GLIS2: variants seen among roughly 807,000 people sequenced by gnomAD.
GLIS2 encodes GLIS family zinc finger 2.
In GLIS2, 14 loss-of-function variants were observed where a neutral mutation model predicts 35.6. The observed-to-expected ratio is 0.39, with a 90% CI of 0.26 to 0.61. The LOEUF (loss-of-function observed/expected upper bound fraction) is 0.61, where lower values mean the gene tolerates loss of function less well. Ranked by LOEUF, GLIS2 falls within the 20% of genes least tolerant of loss-of-function variation. The pLI is 0.48. For missense variants in GLIS2, 675 were observed against 713.4 expected, an observed-to-expected ratio of 0.95 and a Z score of 0.61; for synonymous variants, 368 against 325.1, an observed-to-expected ratio of 1.13 and a Z score of -1.42.
chr16:4,327,966 A>T lies in GLIS2; in HGVS notation c.-66-4249A>T, dbSNP rs367864832. The stretch of plus-strand genomic sequence containing the variant: ...GCTGCCCTGGGCGCATCCCAGGCTG[A>T]GTGCTCGAGAGACGCGGCCCTGGGC... On this transcript the variant is annotated intron_variant, in intron 1 of 6. Coordinates refer to ENST00000433375, the MANE Select transcript of GLIS2 (RefSeq NM_032575.3). 7.3e-5 allele frequency among the ~76,000 whole-genome samples: 11 copies of T among 150,642 alleles called. No individual in the cohort carries two copies. The East Asian group carries it at 2.0e-3, about 27-fold the overall frequency.
chr16:4,337,240 G>A lies in GLIS2; in HGVS notation c.1291G>A (p.Val431Ile). 1 of 1,548,146 alleles carries A rather than the reference G, an allele frequency of 6.5e-7. No individual in the cohort carries two copies. The highest frequency in any genetic ancestry group is 1.4e-5 in the African/African-American group (1 of 73,130). ...FGAGGLGLPV[V>I]SLLAGAAGGK... ...GGCTGGCGGACTGGGCTTGCCTGTG[G>A]TCTCCCTCCTTGCTGGCGCAGCTGG... The change falls in exon 7 of 7, where the codon GTC becomes ATC. Residue 431 changes from valine (V) to isoleucine (I), a missense_variant. Around this residue, in one of 3 missense-constraint regions of GLIS2, gnomAD observed 317 missense variants for 283.2 expected, o/e 1.12. Transcript: ENST00000433375.
At chr16:4,326,736 C>T (rs1317042980) in intron 1 of GLIS2, among the ~76,000 whole-genome samples, 1 of 151,090 alleles carries the variant, frequency 6.6e-6, no homozygotes, top group Non-Finnish European at 1.5e-5. Flanking sequence ...ACCACAGGTC[C>T]CTGCTTCCAC....
chr16:4,324,723 G>A (rs1421931808), intron 1 of GLIS2: 1 of 152,280 alleles, frequency 6.6e-6, no homozygotes, highest in Non-Finnish European at 1.5e-5. Context: ...CGTTACGGAC[G>A]AAGGAGAAGC....
Position 4,334,518 on chromosome 16 carries a change from G to A in GLIS2, c.346-283G>A, listed in dbSNP as rs188075865. 2.8e-4 allele frequency among the ~76,000 whole-genome samples: 43 copies of A among 151,978 alleles called. No individual in the cohort carries two copies. The East Asian group carries it at 3.5e-3, about 12-fold the overall frequency. ...CTCCCAAAGTGCTGAGATTACAGGCGTGAGCCACCGCACCTGGCTATATAT... is the reference window on the plus strand; with the variant it reads ...CTCCCAAAGTGCTGAGATTACAGGCATGAGCCACCGCACCTGGCTATATAT... On this transcript the variant is annotated intron_variant, in intron 3 of 6. Transcript: ENST00000433375.
chr16:4,334,806 C>A lies in GLIS2; in HGVS notation c.351C>A (p.Phe117Leu). Residue 117 changes from phenylalanine to leucine, a missense_variant, in exon 4 of 7, where the codon TTC becomes TTA. Around this residue, in one of 3 missense-constraint regions of GLIS2, gnomAD observed 225 missense variants for 238.7 expected, o/e 0.94. Transcript: ENST00000433375. ...DLPPVPSASDFQPLRYLDGVP... is the reference protein window; with the variant it reads ...DLPPVPSASDLQPLRYLDGVP... ...GCCCTCCCCTCGCACCCCAGGACTT[C>A]CAGCCACTGCGCTATTTGGATGGTG... is the stretch of plus-strand genomic sequence containing the variant. The A allele has an allele frequency of 6.2e-7, 1 of 1,613,436 alleles. No homozygotes were observed. Among genetic ancestry groups the A allele is most frequent in the South Asian group, 1.1e-5 (1 of 91,082 alleles).
intron 1 of GLIS2, among the ~76,000 whole-genome samples, chr16:4,318,039 A>T (rs1245799689): frequency 6.6e-6 from 1 of 151,984 alleles, no homozygotes; most frequent in South Asian, 2.1e-4. Flanking sequence ...CTCTCTACAC[A>T]GGGACACCTG....
In GLIS2 at chr16:4,332,478, G is replaced by T. The variant is rs767072956; in HGVS notation, c.172+26G>T. Reference sequence around the variant, plus strand: ...GTACTGGCCCTGGGCAGGGCAGGGGGACTTAGCCCTGATCCAGTCATGGTG... The same window carrying T: ...GTACTGGCCCTGGGCAGGGCAGGGGTACTTAGCCCTGATCCAGTCATGGTG... On this transcript the variant is annotated intron_variant, in intron 2 of 6. Transcript: ENST00000433375. The surrounding 1 kb of genome is among the most constrained non-coding windows in gnomAD (Gnocchi z 5.4). The T allele has an allele frequency of 6.2e-7, 1 of 1,606,600 alleles. No individual in the cohort carries two copies. Among genetic ancestry groups the T allele is most frequent in the South Asian group, 1.1e-5 (1 of 90,684 alleles).
At chr16:4,315,618 A>C (rs1597328966), upstream of GLIS2, among the ~76,000 whole-genome samples, 3 of 135,622 alleles carry the variant, frequency 2.2e-5, no homozygotes, top group South Asian at 2.4e-4. Context: ...CCCCCAGGCC[A>C]CCTCCCGGCC....
In GLIS2 at chr16:4,337,103, C is replaced by T; in HGVS notation, c.1154C>T (p.Ala385Val). Residue 385 changes from alanine to valine, a missense_variant, in exon 7 of 7, where the codon GCC becomes GTC. This residue lies in a region of GLIS2 where 317 missense variants were observed against 283.2 expected (regional missense o/e 1.12). Transcript: ENST00000433375. ...GGCCCCCTTGACCTCAGTGCCCTGG[C>T]CTGTGGCAACGGTGGGGGCAGTGGG... is the stretch of plus-strand genomic sequence containing the variant. ...APGPLDLSAL[A>V]CGNGGGSGGG... The T allele has an allele frequency of 6.5e-7, 1 of 1,536,256 alleles. No individual in the cohort carries two copies. Among genetic ancestry groups the T allele is most frequent in the Non-Finnish European group, 8.7e-7 (1 of 1,146,452 alleles).
chr16:4,337,248 C>A lies in GLIS2; in HGVS notation c.1299C>A (p.Leu433=). The A allele has an allele frequency of 6.5e-7, 1 of 1,548,446 alleles. No homozygotes were observed. The highest frequency in any genetic ancestry group is 8.7e-7 in the Non-Finnish European group (1 of 1,147,340). ...AGGLGLPVVS[L]LAGAAGGKAE... ...GACTGGGCTTGCCTGTGGTCTCCCTCCTTGCTGGCGCAGCTGGTGGCAAGG... is the reference window on the plus strand; with the variant it reads ...GACTGGGCTTGCCTGTGGTCTCCCTACTTGCTGGCGCAGCTGGTGGCAAGG... Residue 433 remains leucine (L), a synonymous_variant, in exon 7 of 7, where the codon CTC becomes CTA. Coordinates refer to ENST00000433375, the MANE Select transcript of GLIS2 (RefSeq NM_032575.3).
At position 4,337,155 on chromosome 16, in the gene GLIS2, G is replaced by A; in HGVS notation, c.1206G>A (p.Leu402=). The A allele has an allele frequency of 6.5e-7, 1 of 1,539,280 alleles. No homozygotes were observed. The highest frequency in any genetic ancestry group is 8.7e-7 in the Non-Finnish European group (1 of 1,146,768). The change falls in exon 7 of 7, where the codon CTG becomes CTA. Residue 402 remains leucine (L), a synonymous_variant. Transcript: ENST00000433375. The part of the protein sequence containing the change: ...SGGGGGMGPG[L]PGPVLPLNLA... ...GTGGGGGGGGCATGGGCCCTGGGCT[G>A]CCAGGCCCCGTCCTGCCTCTCAATC...
At chr16:4,321,709 C>G (rs905464725) in intron 1 of GLIS2, among the ~76,000 whole-genome samples, 2 of 152,004 alleles carry the variant, frequency 1.3e-5, no homozygotes, top group African/African-American at 4.8e-5. Flanking sequence ...GCTGGTGAGG[C>G]CTTCTCTTCA....
chr16:4,331,789 A>T lies in GLIS2; in HGVS notation c.-66-426A>T, dbSNP rs115473755. ...AGACCCGATCTCTACAAAAAAGAAA[A>T]TTTTTTTTTTTAATTAGCCAGGAGC... On this transcript the variant is annotated intron_variant, in intron 1 of 6. Transcript: ENST00000433375. The T allele has an allele frequency of 9.2e-3, 1,784 of 193,950 alleles. 26 individuals are homozygous for T. Among genetic ancestry groups the T allele is most frequent in the African/African-American group, 0.037 (1,571 of 42,462 alleles). 12.0% of individuals were successfully genotyped at this position (193,950 alleles called of 1,614,324 possible).
rs137861107 is a variant in GLIS2 at position 4,323,589 on chromosome 16, C to T, written c.-67+7335C>T. ...GTGTGCGTGTGTGTGCCGGGGCTCC[C>T]GGAGCCCGGTGTCACCCTCCCTGCT... On this transcript the variant is annotated intron_variant, in intron 1 of 6. Coordinates refer to ENST00000433375, the MANE Select transcript of GLIS2 (RefSeq NM_032575.3). 7.3e-4 allele frequency among the ~76,000 whole-genome samples: 111 copies of T among 152,278 alleles called. 1 individual carries two copies. The highest frequency in any genetic ancestry group is 2.5e-3 in the African/African-American group (104 of 41,556).
rs780241023 is a variant in GLIS2 at position 4,337,088 on chromosome 16, A to T, written c.1139A>T (p.Asp380Val). The T allele has an allele frequency of 1.4e-5, 22 of 1,536,202 alleles. No homozygotes were observed. Among genetic ancestry groups the T allele is most frequent in the Non-Finnish European group, 1.9e-5 (22 of 1,146,322 alleles). The change falls in exon 7 of 7, where the codon GAC becomes GTC. Residue 380 changes from aspartate (D) to valine (V), a missense_variant. Coordinates refer to ENST00000433375, the MANE Select transcript of GLIS2 (RefSeq NM_032575.3). Reference protein sequence around the residue: ...LPLPLAPGPLDLSALACGNGG... With the variant: ...LPLPLAPGPLVLSALACGNGG... Reference sequence around the variant, plus strand: ...CTACCCCTGGCCCCCGGCCCCCTTGACCTCAGTGCCCTGGCCTGTGGCAAC... The same window carrying T: ...CTACCCCTGGCCCCCGGCCCCCTTGTCCTCAGTGCCCTGGCCTGTGGCAAC...
At chr16:4,315,628 C>T (rs113419319), upstream of GLIS2, among the ~76,000 whole-genome samples, 2 of 150,732 alleles carry the variant, frequency 1.3e-5, no homozygotes, top group Non-Finnish European at 3.0e-5. Flanking sequence ...ACCTCCCGGC[C>T]GTGTCCTAGC....
At position 4,334,939 on chromosome 16, in the gene GLIS2, C is replaced by T. The variant is rs1214671088; in HGVS notation, c.484C>T (p.Leu162=). The change falls in exon 4 of 7, where the codon CTG becomes TTG. Residue 162 remains leucine, a synonymous_variant. Coordinates refer to ENST00000433375, the MANE Select transcript of GLIS2 (RefSeq NM_032575.3). ...PPKDKCLSPD[L]PLPKQLVCRW... ...CAAGGACAAGTGCCTCTCGCCAGAC[C>T]TGCCCCTGCCCAAGCAGCTGGTGTG... 1.1e-5 allele frequency: 18 copies of T among 1,613,194 alleles called. No homozygotes were observed. The highest frequency in any genetic ancestry group is 1.4e-5 in the Non-Finnish European group (17 of 1,180,030).
chr16:4,336,676 G>A, intron 6 of GLIS2, 49 bp from the exon 7 acceptor site: 8 of 1,533,560 alleles, frequency 5.2e-6, no homozygotes, highest in Non-Finnish European at 7.1e-6. Flanking sequence ...GTGAGACCCA[G>A]GAAGGGGAGA....
In GLIS2 at chr16:4,333,428, C is replaced by T; in HGVS notation, c.254C>T (p.Pro85Leu). 6.2e-7 allele frequency: 1 copy of T among 1,613,024 alleles called. No individual in the cohort carries two copies. Among genetic ancestry groups the T allele is most frequent in the Non-Finnish European group, 8.5e-7 (1 of 1,180,004 alleles). Residue 85 changes from proline to leucine, a missense_variant, in exon 3 of 7, where the codon CCA becomes CTA. Coordinates refer to ENST00000433375, the MANE Select transcript of GLIS2 (RefSeq NM_032575.3). ...CCTCTCGTGGACCTCAGCCTGTCACCACCATCTGGGCTGGACTCCCCCAAT... is the reference window on the plus strand; with the variant it reads ...CCTCTCGTGGACCTCAGCCTGTCACTACCATCTGGGCTGGACTCCCCCAAT... ...AAPLVDLSLS[P>L]PSGLDSPNGS...
Sources: gnomAD v4.1 joint callset for allele counts (sites outside exome capture counted in the v4.1 genomes callset) on GRCh38, gnomAD v4.1.1 for gene constraint, gnomAD v4.1.1 regional missense constraint, Gnocchi (gnomAD v3.1) non-coding constraint, MANE v1.5 for transcripts, NCBI Gene and HGNC (gene_info 2026-07-23, HGNC 2026-07-21) for gene names.